The following KHDRBS1 variants were observed in gnomAD, a reference collection of about 807,000 sequenced individuals.
The protein encoded by KHDRBS1 is KH RNA binding domain containing, signal transduction associated 1.
A neutral mutation model predicts 48.4 loss-of-function variants in KHDRBS1; 7 were observed. The ratio of observed to expected loss-of-function variants is 0.14; its 90% CI spans 0.08 to 0.27. KHDRBS1 has a LOEUF of 0.27. Ranked by LOEUF, KHDRBS1 falls within the 10% of genes least tolerant of loss-of-function variation. The pLI, the probability that KHDRBS1 is intolerant of heterozygous loss-of-function variation, is 1.00. For missense variants in KHDRBS1, 458 were observed against 601.2 expected, an observed-to-expected ratio of 0.76 and a Z score of 2.49; for synonymous variants, 241 against 235.8, an observed-to-expected ratio of 1.02 and a Z score of -0.20.
downstream of KHDRBS1, among the ~76,000 whole-genome samples, chr1:32,046,197 T>G (rs1639354097): frequency 6.6e-6 from 1 of 151,780 alleles, no homozygotes; most frequent in African/African-American, 2.4e-5. Context: ...TTTTTTTTTT[T>G]TGGTTTTTTT....
At chr1:32,015,775 C>T (rs551510535) in intron 1 of KHDRBS1, among the ~76,000 whole-genome samples, 1 of 152,250 alleles carries the variant, frequency 6.6e-6, no homozygotes, top group South Asian at 2.1e-4. Flanking sequence ...TTGAGCCTGG[C>T]TTTTAAGGTA....
chr1:32,055,289 A>C (rs1403041937), intron 10 of KHDRBS1, among the ~76,000 whole-genome samples: 1 of 152,154 alleles, frequency 6.6e-6, no homozygotes, highest in Non-Finnish European at 1.5e-5. Flanking sequence ...CTCTACTAAA[A>C]ATACAAAAAT....
At chr1:32,030,168 C>G (rs1639054728) in intron 1 of KHDRBS1, 130 bp from the exon 2 acceptor site, 1 of 658,416 alleles carries the variant, frequency 1.5e-6, no homozygotes, top group Non-Finnish European at 2.5e-6. Flanking sequence ...CAGCTAGTTT[C>G]TTTCTGAAAT....
chr1:32,033,122 C>A, intron 3 of KHDRBS1, 66 bp from the exon 4 acceptor site: 1 of 1,309,314 alleles, frequency 7.6e-7, no homozygotes, highest in Non-Finnish European at 1.1e-6. Context: ...GTTCCTTTGG[C>A]TTAGAGGTAA....
rs1236738864 is a variant in KHDRBS1 at position 32,025,300 on chromosome 1, T to A, written c.383-4998T>A. ...AAAAAATTCGGCTCCTCCTTTTTTTTTTTTTTTTTTTTTTTTTTGAGACAG... is the reference window on the plus strand; with the variant it reads ...AAAAAATTCGGCTCCTCCTTTTTTTATTTTTTTTTTTTTTTTTTGAGACAG... On this transcript the variant is annotated intron_variant, in intron 1 of 8. Transcript: ENST00000327300. Among the ~76,000 whole-genome samples, 5 of 135,266 alleles carry A rather than the reference T, an allele frequency of 3.7e-5. No individual in the cohort carries two copies. The East Asian group carries it at 8.8e-4, about 24-fold the overall frequency. The allele number at this position is 135,266 out of a possible 152,430, so 88.7% of individuals were successfully genotyped here.
intron 1 of KHDRBS1, 97 bp from the exon 2 acceptor site, chr1:32,030,201 T>C: frequency 1.1e-6 from 1 of 931,540 alleles, no homozygotes; most frequent in South Asian, 1.7e-5. Flanking sequence ...GTGAACTATT[T>C]GGTTTCACTA....
At chr1:32,036,044 C>G (rs1207615919) in intron 4 of KHDRBS1, among the ~76,000 whole-genome samples, 4 of 151,758 alleles carry the variant, frequency 2.6e-5, no homozygotes, top group East Asian at 1.9e-4. Flanking sequence ...GAATTCACAT[C>G]TAGAGTCTGC....
At chr1:32,022,409 TAAC>T (rs1355030714) in intron 1 of KHDRBS1, among the ~76,000 whole-genome samples, 1 of 152,182 alleles carries the variant, frequency 6.6e-6, no homozygotes, top group East Asian at 1.9e-4. Context: ...CAGAGATTGT[TAAC>T]AACAGGCAAA....
At chr1:32,026,124 C>T (rs945431538) in intron 1 of KHDRBS1, among the ~76,000 whole-genome samples, 14 of 151,664 alleles carry the variant, frequency 9.2e-5, no homozygotes, top group African/African-American at 2.4e-4. Flanking sequence ...CTCTTTTCAA[C>T]CCTCTGTTTT....
intron 10 of KHDRBS1, among the ~76,000 whole-genome samples, chr1:32,058,050 G>A (rs1418500579): frequency 6.6e-6 from 1 of 151,328 alleles, no homozygotes; most frequent in Non-Finnish European, 1.5e-5. Context: ...CCCAGGAGGC[G>A]GAGGTAGGAG....
chr1:32,035,878 T>G (rs1020826412), intron 4 of KHDRBS1, among the ~76,000 whole-genome samples: 1 of 151,972 alleles, frequency 6.6e-6, no homozygotes, highest in Admixed American at 6.6e-5. Flanking sequence ...AAAAGAGGAG[T>G]TGTAGGGGTG....
chr1:32,031,631 C>G lies in KHDRBS1; in HGVS notation c.615C>G (p.Asp205Glu), dbSNP rs1325224707. The G allele has an allele frequency of 2.5e-6, 4 of 1,602,240 alleles. No individual in the cohort carries two copies. Among genetic ancestry groups the G allele is most frequent in the Non-Finnish European group, 2.6e-6 (3 of 1,173,310 alleles). Reference protein sequence around the residue: ...ISVLGKGSMRDKAKEEELRKG... With the variant: ...ISVLGKGSMREKAKEEELRKG... ...TATTGGGAAAGGGCTCAATGAGAGACAAAGCCAAGGTAAGCTCACATTAGT... is the reference window on the plus strand; with the variant it reads ...TATTGGGAAAGGGCTCAATGAGAGAGAAAGCCAAGGTAAGCTCACATTAGT... Residue 205 changes from aspartate to glutamate, a missense_variant, in exon 3 of 9, where the codon GAC becomes GAG. Physicochemically the swap from Asp to Glu is conservative, Grantham distance 45. Transcript: ENST00000327300.
chr1:32,035,807 C>T (rs1337686578), intron 4 of KHDRBS1, among the ~76,000 whole-genome samples: 4 of 152,184 alleles, frequency 2.6e-5, no homozygotes, highest in African/African-American at 2.4e-5. Flanking sequence ...AGTTTAGTGA[C>T]AGACAATTCT....
intron 1 of KHDRBS1, among the ~76,000 whole-genome samples, chr1:32,017,925 A>G (rs1429731356): frequency 6.6e-6 from 1 of 151,988 alleles, no homozygotes; most frequent in East Asian, 1.9e-4. Context: ...TACTTTCTAC[A>G]ATTAGGGAAA....
At chr1:32,047,841 C>G (rs1187291569), downstream of KHDRBS1, among the ~76,000 whole-genome samples, 1 of 152,164 alleles carries the variant, frequency 6.6e-6, no homozygotes, top group Non-Finnish European at 1.5e-5. Flanking sequence ...CTTATATCTG[C>G]TAATAGTCAC....
At chr1:32,039,367 G>T in intron 7 of KHDRBS1, 148 bp from the exon 8 acceptor site, 1 of 616,336 alleles carries the variant, frequency 1.6e-6, no homozygotes, top group Non-Finnish European at 2.9e-6. Flanking sequence ...ACATATTTTG[G>T]AAATACTTTA....
intron 10 of KHDRBS1, among the ~76,000 whole-genome samples, chr1:32,055,304 C>T (rs6695105): frequency 0.028 from 4,286 of 152,090 alleles, 189 homozygotes; most frequent in African/African-American, 0.096. Context: ...AAAAATTAGC[C>T]GGACGTGGTG....
chr1:32,020,616 TAAAAAAA>T (rs970503623), intron 1 of KHDRBS1, among the ~76,000 whole-genome samples: 1 of 77,510 alleles, frequency 1.3e-5, no homozygotes, highest in African/African-American at 3.8e-5. Flanking sequence ...TACTGTGCAA[TAAAAAAA>T]AAAAAAAAAA....
chr1:32,033,333 C>T lies in KHDRBS1; in HGVS notation c.770C>T (p.Pro257Leu). The change falls in exon 4 of 9, where the codon CCG becomes CTG. Residue 257 changes from proline (P) to leucine (L), a missense_variant and splice_region_variant. Pro to Leu is a moderately conservative substitution (Grantham distance 98). This residue lies in a region of KHDRBS1 where 74 missense variants were observed against 156.9 expected (regional missense o/e 0.47). Transcript: ENST00000327300. ...AMEEVKKFLV[P>L]DMMDDICQEQ... Reference sequence around the variant, plus strand: ...GAGGAAGTCAAGAAATTTCTAGTACCGGTAAGGAAATCCATATCCTGTGTC... The same window carrying T: ...GAGGAAGTCAAGAAATTTCTAGTACTGGTAAGGAAATCCATATCCTGTGTC... 1 of 1,613,942 alleles carries T rather than the reference C, an allele frequency of 6.2e-7. No homozygotes were observed. The highest frequency in any genetic ancestry group is 8.5e-7 in the Non-Finnish European group (1 of 1,179,844).
Sources: allele counts gnomAD v4.1 joint callset (sites outside exome capture counted in the v4.1 genomes callset), GRCh38; gene constraint gnomAD v4.1.1; regional missense constraint gnomAD v4.1.1; transcripts MANE v1.5; gene names NCBI Gene and HGNC (gene_info 2026-07-23, HGNC 2026-07-21).